The following DLGAP2 variants were observed in gnomAD, a reference collection of about 807,000 sequenced individuals.
The protein encoded by DLGAP2 is disks large-associated protein 2.
A neutral mutation model predicts 100.3 loss-of-function variants in DLGAP2; 26 were observed. The observed-to-expected ratio is 0.26, with a 90% CI of 0.19 to 0.36. The LOEUF (loss-of-function observed/expected upper bound fraction) is 0.36. Ranked by LOEUF, DLGAP2 falls within the 10% of genes least tolerant of loss-of-function variation. The pLI, the probability that DLGAP2 is intolerant of heterozygous loss-of-function variation, is 1.00. For missense variants in DLGAP2, 1,858 were observed against 1,453.2 expected, an observed-to-expected ratio of 1.28 and a Z score of -4.53; for synonymous variants, 886 against 630.1, an observed-to-expected ratio of 1.41 and a Z score of -6.08.
At chr8:1,528,208 G>A (rs1296126287) in intron 4 of DLGAP2, among the ~76,000 whole-genome samples, 3 of 152,246 alleles carry the variant, frequency 2.0e-5, no homozygotes, top group Admixed American at 6.5e-5. Flanking sequence ...CAGCTGCCCC[G>A]AGGCTTTCTA....
intron 6 of DLGAP2, among the ~76,000 whole-genome samples, chr8:1,598,507 G>A (rs1367538048): frequency 6.6e-6 from 1 of 152,024 alleles, no homozygotes; most frequent in African/African-American, 2.4e-5. Context: ...GCTTTTTTTT[G>A]TTGGTAGGCT....
At chr8:1,166,570 C>T (rs1246453956) in intron 2 of DLGAP2, among the ~76,000 whole-genome samples, 1 of 151,998 alleles carries the variant, frequency 6.6e-6, no homozygotes, top group Non-Finnish European at 1.5e-5. Context: ...GAGAAATATC[C>T]CTGCAGGTTA....
At chr8:1,374,454 G>A (rs1303047793) in intron 3 of DLGAP2, among the ~76,000 whole-genome samples, 4 of 152,274 alleles carry the variant, frequency 2.6e-5, no homozygotes, top group South Asian at 2.1e-4. Flanking sequence ...GGATGATTGC[G>A]CAAAAGGTCA....
chr8:928,344 T>C (rs1798864621), intron 2 of DLGAP2, among the ~76,000 whole-genome samples: 1 of 152,176 alleles, frequency 6.6e-6, no homozygotes, highest in South Asian at 2.1e-4. Context: ...GAGTTTGCGT[T>C]CACTAGGTGT....
rs557641815 is a variant in DLGAP2, at chr8:892,396, A to G, written c.19-15516A>G. ...AGAGGAACGAAATCCCGACGAGGCT[A>G]TGGGGTGGATGAACCCTGGGGACAC... On this transcript the variant is annotated intron_variant, in intron 1 of 14. Coordinates refer to ENST00000637795, the MANE Select transcript of DLGAP2 (RefSeq NM_001346810.2). 1.2e-4 allele frequency among the ~76,000 whole-genome samples: 19 copies of G among 152,250 alleles called. No individual in the cohort carries two copies. The East Asian group carries it at 2.9e-3, about 23-fold the overall frequency.
rs148754338 is a variant in DLGAP2, at chr8:768,321, GTCAC to G, written c.18+30500_18+30503del. On this transcript the variant is annotated intron_variant, in intron 1 of 14. Transcript: ENST00000637795. ...TAGTGTTGTGGTTATTTACTATACA[GTCAC>G]TCAGACAAATTACTCAAATAACTGT... 3.9e-3 allele frequency among the ~76,000 whole-genome samples: 593 copies of G among 151,876 alleles called. 3 individuals carry two copies. Among genetic ancestry groups the G allele is most frequent in the African/African-American group, 0.014 (583 of 41,390 alleles).
At position 1,408,570 on chromosome 8, in the gene DLGAP2, C is replaced by A. The variant is rs7840234; in HGVS notation, c.107-92796C>A. Among the ~76,000 whole-genome samples, 42 of 152,312 alleles carry A rather than the reference C, an allele frequency of 2.8e-4. No homozygotes were observed. In the South Asian group the frequency reaches 7.3e-3, roughly 26 times the overall value. On this transcript the variant is annotated intron_variant, in intron 3 of 14. Transcript: ENST00000637795. ...CAGCATTGTCAGGCACAGACACACA[C>A]GGTGTTAACTGTTCGGCAACTGGAG...
intron 2 of DLGAP2, among the ~76,000 whole-genome samples, chr8:1,253,068 A>G (rs576932049): frequency 1.3e-5 from 2 of 152,278 alleles, no homozygotes; most frequent in Admixed American, 1.3e-4. Flanking sequence ...CCCACGGCAA[A>G]TGCCGCCCAC....
chr8:1,672,301 C>A (rs1171946768), intron 10 of DLGAP2, among the ~76,000 whole-genome samples: 1 of 151,220 alleles, frequency 6.6e-6, no homozygotes, highest in East Asian at 2.0e-4. Context: ...TCTCAGGTCA[C>A]TGCAGCCTCC....
At chr8:1,251,205 C>G (rs1262914158) in intron 2 of DLGAP2, among the ~76,000 whole-genome samples, 1 of 152,108 alleles carries the variant, frequency 6.6e-6, no homozygotes, top group Non-Finnish European at 1.5e-5. Context: ...TCATCCTGGG[C>G]TTTTACTTAG....
chr8:1,574,011 G>A (rs564860901), intron 6 of DLGAP2, among the ~76,000 whole-genome samples: 13 of 152,256 alleles, frequency 8.5e-5, no homozygotes, highest in Non-Finnish European at 7.4e-5. Context: ...GGGAGCTCCA[G>A]GCTTGTCTCC....
chr8:1,178,750 G>A (rs1797315217), intron 2 of DLGAP2, among the ~76,000 whole-genome samples: 1 of 152,204 alleles, frequency 6.6e-6, no homozygotes, highest in Non-Finnish European at 1.5e-5. Context: ...CTCAGAGACA[G>A]TCTTACCTGC....
Position 1,423,463 on chromosome 8 carries a change from G to A in DLGAP2, c.107-77903G>A, listed in dbSNP as rs551762281. On this transcript the variant is annotated intron_variant, in intron 3 of 14. Transcript: ENST00000637795. ...CGCGAGGTCTGATGACCACTGCCCT[G>A]CCATCTCCATACCGCTCCATGCACT... Among the ~76,000 whole-genome samples, 143 of 152,324 alleles carry A rather than the reference G, an allele frequency of 9.4e-4. 1 individual carries two copies. Among genetic ancestry groups the A allele is most frequent in the African/African-American group, 3.3e-3 (137 of 41,570 alleles).
chr8:1,304,592 G>A (rs1299908051), intron 3 of DLGAP2, among the ~76,000 whole-genome samples: 2 of 152,316 alleles, frequency 1.3e-5, no homozygotes, highest in East Asian at 3.9e-4. Context: ...GAAAAAAGAT[G>A]AGTACAATTG....
intron 2 of DLGAP2, among the ~76,000 whole-genome samples, chr8:1,211,558 C>A (rs1187124320): frequency 6.6e-6 from 1 of 152,226 alleles, no homozygotes. Context: ...GGTGTTGCCA[C>A]CACATCACCG....
intron 2 of DLGAP2, among the ~76,000 whole-genome samples, chr8:1,147,613 G>A (rs1796630711): frequency 6.6e-6 from 1 of 150,442 alleles, no homozygotes; most frequent in Admixed American, 6.6e-5. Flanking sequence ...GTTTACTGCA[G>A]CCTTGAACTC....
chr8:845,336 A>C (rs1413943065), intron 1 of DLGAP2, among the ~76,000 whole-genome samples: 1 of 152,062 alleles, frequency 6.6e-6, no homozygotes, highest in Non-Finnish European at 1.5e-5. Context: ...TATCCATCCT[A>C]AGTGGTGTGA....
At chr8:1,698,765 A>C (rs1466518057) in intron 14 of DLGAP2, among the ~76,000 whole-genome samples, 1 of 150,676 alleles carries the variant, frequency 6.6e-6, no homozygotes, top group African/African-American at 2.5e-5. Flanking sequence ...AGTCCAAGTA[A>C]GCCATGTTTG....
chr8:1,158,041 C>G (rs993511637), intron 2 of DLGAP2, among the ~76,000 whole-genome samples: 1 of 152,244 alleles, frequency 6.6e-6, no homozygotes. Flanking sequence ...ATGGCCCACC[C>G]TAGCTTATGG....
Sources: allele counts gnomAD v4.1 joint callset (sites outside exome capture counted in the v4.1 genomes callset), GRCh38; gene constraint gnomAD v4.1.1; transcripts MANE v1.5; gene names NCBI Gene and HGNC (gene_info 2026-07-23, HGNC 2026-07-21).